Variants in KIAA1755 observed in about 807,000 individuals in gnomAD.
KIAA1755 encodes the protein uncharacterized protein KIAA1755.
Under a neutral mutation model 91.7 loss-of-function variants are expected in KIAA1755, and 68 were observed. That is an observed-to-expected ratio of 0.74 (90% confidence interval 0.61 to 0.91). The LOEUF (loss-of-function observed/expected upper bound fraction) is 0.91. Among genes scored for constraint, KIAA1755 ranks in the 40% least tolerant of loss-of-function variants. The pLI, the probability that KIAA1755 is intolerant of heterozygous loss-of-function variation, is 0.00. For missense variants in KIAA1755, 1,535 were observed against 1,494.4 expected, an observed-to-expected ratio of 1.03 and a Z score of -0.45; for synonymous variants, 610 against 604.6, an observed-to-expected ratio of 1.01 and a Z score of -0.13.
chr20:38,234,639 T>C (rs370027640), intron 4 of KIAA1755, among the ~76,000 whole-genome samples: 22 of 152,318 alleles, frequency 1.4e-4, no homozygotes, highest in African/African-American at 5.1e-4. Flanking sequence ...CACGCTGATG[T>C]AGGTAGTCCC....
At chr20:38,214,256 G>T (rs1476632481) in intron 13 of KIAA1755, among the ~76,000 whole-genome samples, 1 of 152,146 alleles carries the variant, frequency 6.6e-6, no homozygotes, top group East Asian at 1.9e-4. Flanking sequence ...CAGCCCATCA[G>T]ACACCTTCTA....
In KIAA1755 at chr20:38,217,536, G is replaced by A. The variant is rs537462177; in HGVS notation, c.2680-62C>T. 38 of 1,260,274 alleles carry A rather than the reference G, an allele frequency of 3.0e-5. No homozygotes were observed. In the East Asian group the frequency reaches 8.4e-4, roughly 28 times the overall value. The allele number at this position is 1,260,274 out of a possible 1,614,324, so 78.1% of individuals were successfully genotyped here. On this transcript the variant is annotated intron_variant, in intron 12 of 13. Coordinates refer to ENST00000279024, the MANE Select transcript of KIAA1755 (RefSeq NM_001029864.2). ...CACCTTGGCTGGGGCCTCCCTCGGA[G>A]GTCAGCAACCTCCAGCTGCCTTGCT... is the stretch of plus-strand genomic sequence containing the variant.
chr20:38,213,935 C>A (rs2075499164), intron 13 of KIAA1755, among the ~76,000 whole-genome samples, 192 bp from the exon 14 acceptor site: 1 of 151,416 alleles, frequency 6.6e-6, no homozygotes, highest in African/African-American at 2.4e-5. Flanking sequence ...CCCCCAAGCA[C>A]CCTTAGAATC....
intron 1 of KIAA1755, 45 bp downstream of exon 1, chr20:38,260,453 A>C (rs1177312710): frequency 1.3e-6 from 2 of 1,521,640 alleles, no homozygotes; most frequent in South Asian, 1.3e-5. Flanking sequence ...GGCTGTGCCC[A>C]CTGAAAGGGG....
At chr20:38,216,855 C>T (rs1327163260) in intron 13 of KIAA1755, 1 of 482,840 alleles carries the variant, frequency 2.1e-6, no homozygotes, top group Admixed American at 2.3e-5. Context: ...ACCCCTCATC[C>T]TCACCATGGT....
chr20:38,239,592 C>A lies in KIAA1755; in HGVS notation c.1683G>T (p.Gly561=). Residue 561 remains glycine (G), a synonymous_variant, in exon 4 of 14, where the codon GGG becomes GGT. Transcript: ENST00000279024. ...RGPTLEEEPP[G]PEPRIGALGV... is the part of the protein sequence containing the mutation. ...CTAGAGCCCCAATCCTGGGCTCAGGCCCTGGGGGCTCCTCCTCCAGGGTGG... is the reference window on the plus strand; with the variant it reads ...CTAGAGCCCCAATCCTGGGCTCAGGACCTGGGGGCTCCTCCTCCAGGGTGG... The A allele has an allele frequency of 6.2e-7, 1 of 1,608,764 alleles. No individual in the cohort carries two copies. Among genetic ancestry groups the A allele is most frequent in the Non-Finnish European group, 8.5e-7 (1 of 1,178,240 alleles).
chr20:38,217,350 C>T lies in KIAA1755; in HGVS notation c.2804G>A (p.Arg935Gln), dbSNP rs748838911. The change falls in exon 13 of 14, where the codon CGG (arginine) becomes CAG (glutamine). Residue 935 changes from arginine (R) to glutamine (Q), a missense_variant. By Grantham distance (43) the Arg-to-Gln change is conservative (BLOSUM62 1). Transcript: ENST00000279024. ...GTGGGTCAGCTCAGCCTGGAAGGCC[C>T]GCTGGGTAGAGGCAAAGGCTGCCAG... ...PELAAFASTQ[R>Q]AFQAELTHFY... 37 of 1,612,802 alleles carry T rather than the reference C, an allele frequency of 2.3e-5. No homozygotes were observed. The highest frequency in any genetic ancestry group is 4.0e-5 in the African/African-American group (3 of 74,928).
At position 38,241,416 on chromosome 20, in the gene KIAA1755, T is replaced by C. The variant is rs766186301; in HGVS notation, c.715A>G (p.Arg239Gly). ...PAQSLAKGKG[R>G]TYGSKYPGLI... ...CCTGGATACTTGCTCCCATATGTCC[T>C]GCCCTTACCCTTGGCCAAACTCTGG... The change falls in exon 3 of 14, where the codon AGG (arginine) becomes GGG (glycine). Residue 239 changes from arginine to glycine, a missense_variant. Physicochemically the swap from Arg to Gly is moderately radical, Grantham distance 125. Transcript: ENST00000279024. 13 of 1,614,244 alleles carry C rather than the reference T, an allele frequency of 8.1e-6. No homozygotes were observed. The highest frequency in any genetic ancestry group is 1.1e-5 in the Non-Finnish European group (13 of 1,180,030).
intron 1 of KIAA1755, among the ~76,000 whole-genome samples, chr20:38,253,720 T>C (rs1245916156): frequency 6.6e-6 from 1 of 152,214 alleles, no homozygotes; most frequent in Admixed American, 6.5e-5. Context: ...TTCTTCATAG[T>C]TTCCCGGATT....
At chr20:38,244,958 C>T (rs1447960797) in intron 2 of KIAA1755, among the ~76,000 whole-genome samples, 1 of 152,210 alleles carries the variant, frequency 6.6e-6, no homozygotes, top group East Asian at 1.9e-4. Context: ...AAACCCCTGA[C>T]GTCATGATCC....
chr20:38,225,428 T>G, intron 8 of KIAA1755: 1 of 530,774 alleles, frequency 1.9e-6, no homozygotes, highest in South Asian at 2.1e-5. Flanking sequence ...AAACCAAGGC[T>G]CAGAGAAGGT....
chr20:38,215,675 C>T (rs966148680), intron 13 of KIAA1755, among the ~76,000 whole-genome samples: 5 of 152,118 alleles, frequency 3.3e-5, no homozygotes, highest in African/African-American at 4.8e-5. Flanking sequence ...GGGAACAGCA[C>T]GTGCAAAGAC....
intron 13 of KIAA1755, chr20:38,216,966 T>G (rs1462526843): frequency 3.0e-6 from 2 of 658,622 alleles, no homozygotes; most frequent in African/African-American, 1.8e-5. Context: ...TGTTCAAATC[T>G]CAGCTCTTCC....
intron 4 of KIAA1755, 47 bp from the exon 5 acceptor site, chr20:38,231,372 C>A: frequency 6.5e-7 from 1 of 1,544,314 alleles, no homozygotes; most frequent in Non-Finnish European, 8.7e-7. Context: ...TGTGGGGGGC[C>A]CTCTAGGGAC....
chr20:38,249,287 C>A (rs1309169237), intron 1 of KIAA1755, among the ~76,000 whole-genome samples: 1 of 152,114 alleles, frequency 6.6e-6, no homozygotes, highest in Non-Finnish European at 1.5e-5. Flanking sequence ...CTTCTGGTTG[C>A]CCCAGCCTGG....
chr20:38,246,618 A>G (rs1036485120), intron 1 of KIAA1755, among the ~76,000 whole-genome samples: 48 of 152,332 alleles, frequency 3.2e-4, no homozygotes, highest in African/African-American at 1.2e-3. Context: ...TGGGAGAGTG[A>G]GAATAAGTGA....
intron 2 of KIAA1755, among the ~76,000 whole-genome samples, chr20:38,245,287 C>T (rs1283952652): frequency 2.0e-5 from 3 of 152,204 alleles, no homozygotes; most frequent in Non-Finnish European, 4.4e-5. Flanking sequence ...AACACTTAGC[C>T]TGGAAGAATA....
chr20:38,214,782 T>C (rs961863310), intron 13 of KIAA1755, among the ~76,000 whole-genome samples: 5 of 152,200 alleles, frequency 3.3e-5, no homozygotes, highest in Non-Finnish European at 5.9e-5. Flanking sequence ...GTCTGCAGAC[T>C]GCAAAGAAGC....
chr20:38,232,277 C>T (rs1221946505), intron 4 of KIAA1755, among the ~76,000 whole-genome samples: 5 of 152,140 alleles, frequency 3.3e-5, no homozygotes, highest in African/African-American at 1.2e-4. Flanking sequence ...GGGGTCCAAC[C>T]ACCTGGAACA....
Sources: gnomAD v4.1 joint callset for allele counts (sites outside exome capture counted in the v4.1 genomes callset) on GRCh38, gnomAD v4.1.1 for gene constraint, MANE v1.5 for transcripts, NCBI Gene and HGNC (gene_info 2026-07-23, HGNC 2026-07-21) for gene names.